SLC9A7: variants seen among roughly 807,000 people sequenced by gnomAD.
SLC9A7 encodes solute carrier family 9 member A7, also known as sodium/hydrogen exchanger 7.
Under a neutral mutation model 52.6 loss-of-function variants are expected in SLC9A7, and 19 were observed. That is an observed-to-expected ratio of 0.36 (90% CI 0.25 to 0.53). The LOEUF is 0.53. Ranked by LOEUF, SLC9A7 falls within the 20% of genes least tolerant of loss-of-function variation. SLC9A7 has a pLI of 0.91. For synonymous variants in SLC9A7, 226 were observed against 252.1 expected, an observed-to-expected ratio of 0.90 and a Z score of 0.98; for missense variants, 455 against 597.9, an observed-to-expected ratio of 0.76 and a Z score of 2.49.
chrX:46,713,917 C>G (rs903498772), intron 1 of SLC9A7, among the ~76,000 whole-genome samples: 1 of 108,385 alleles, frequency 9.2e-6, no homozygotes, highest in Non-Finnish European at 1.9e-5. Context: ...AATATAGTAT[C>G]TTCCTTTTCA....
At chrX:46,617,417 A>G (rs1201225553) in intron 15 of SLC9A7, among the ~76,000 whole-genome samples, 3 of 111,478 alleles carry the variant, frequency 2.7e-5, no homozygotes, top group Non-Finnish European at 5.7e-5. Flanking sequence ...ACAGACTCCT[A>G]CCATGGCCAA....
At chrX:46,645,210 T>C (rs1285469127) in intron 11 of SLC9A7, among the ~76,000 whole-genome samples, 2 of 112,319 alleles carry the variant, frequency 1.8e-5, no homozygotes, top group Non-Finnish European at 1.9e-5. Flanking sequence ...CCAATGAGCA[T>C]ATTTAAGTTG....
At chrX:46,729,624 T>C (rs1356263805) in intron 1 of SLC9A7, among the ~76,000 whole-genome samples, 1 of 110,153 alleles carries the variant, frequency 9.1e-6, no homozygotes, top group Non-Finnish European at 1.9e-5. Flanking sequence ...AAATACAAAA[T>C]TAGCTGGGCA....
At chrX:46,679,541 A>G in intron 3 of SLC9A7, 137 bp downstream of exon 3, 1 of 443,933 alleles carries the variant, frequency 2.3e-6, no homozygotes, top group Non-Finnish European at 3.8e-6. Flanking sequence ...CATTGATGAG[A>G]AGTCAACTAT....
At chrX:46,669,458 A>T in intron 5 of SLC9A7, 149 bp downstream of exon 5, 1 of 389,256 alleles carries the variant, frequency 2.6e-6, no homozygotes, top group Non-Finnish European at 4.5e-6. Context: ...TGTTAGACCC[A>T]CCTATTGGTC....
In SLC9A7 at chrX:46,752,290, AT is replaced by A. The variant is rs782112050; in HGVS notation, c.325+6414del. Among the ~76,000 whole-genome samples, 1,005 of 111,975 alleles carry A rather than the reference AT, an allele frequency of 9.0e-3. 7 individuals carry two copies. The highest frequency in any genetic ancestry group is 0.015 in the Non-Finnish European group (811 of 53,157). Reference sequence around the variant, plus strand: ...ACCTCAATTATCACACCTACAAAAAATAATAGTAATTCTTTAATATCATCTA... The same window carrying A: ...ACCTCAATTATCACACCTACAAAAAAAATAGTAATTCTTTAATATCATCTA... On this transcript the variant is annotated intron_variant, in intron 1 of 16. Coordinates refer to ENST00000616978, the MANE Select transcript of SLC9A7 (RefSeq NM_001257291.2).
intron 15 of SLC9A7, among the ~76,000 whole-genome samples, chrX:46,618,811 G>A (rs1425298452): frequency 9.1e-6 from 1 of 110,438 alleles, no homozygotes; most frequent in Non-Finnish European, 1.9e-5. Flanking sequence ...AGGTGTAGTG[G>A]TGTGTGCCTG....
intron 5 of SLC9A7, among the ~76,000 whole-genome samples, chrX:46,664,811 G>A (rs1386017063): frequency 9.1e-6 from 1 of 110,247 alleles, no homozygotes; most frequent in Admixed American, 9.8e-5. Flanking sequence ...GGGTACAGTG[G>A]TGTGATTATA....
chrX:46,614,528 C>T (rs1328227520), intron 15 of SLC9A7, among the ~76,000 whole-genome samples: 3 of 111,492 alleles, frequency 2.7e-5, no homozygotes, highest in Non-Finnish European at 5.7e-5. Context: ...CCAGTAGCAC[C>T]GTTACTCCCC....
intron 15 of SLC9A7, among the ~76,000 whole-genome samples, chrX:46,617,129 A>G (rs1200561296): frequency 4.5e-5 from 5 of 111,232 alleles, no homozygotes; most frequent in African/African-American, 1.3e-4. Flanking sequence ...TGCTATAATT[A>G]TTGGACTTTT....
rs774521403 is a variant in SLC9A7 at position 46,601,280 on chromosome X, T to C, written c.*5672A>G. 10 of 112,382 alleles carry C rather than the reference T, an allele frequency of 8.9e-5. No homozygotes were observed. The highest frequency in any genetic ancestry group is 4.6e-3 in the Middle Eastern group (1 of 219). The allele number at this position is 112,382 out of a possible 1,213,427, so 9.3% of individuals were successfully genotyped here. ...ATGCTCTAACACCCTGCCACTGTTT[T>C]TCCCCCTAAGTGCATCAGTGGTGTT... On this transcript the variant is annotated 3_prime_UTR_variant, in exon 17 of 17. Coordinates refer to ENST00000616978, the MANE Select transcript of SLC9A7 (RefSeq NM_001257291.2).
chrX:46,758,751 G>A lies in SLC9A7; in HGVS notation c.279C>T (p.His93=), dbSNP rs1556294407. The A allele has an allele frequency of 4.2e-6, 5 of 1,197,946 alleles. No individual in the cohort carries two copies. The highest frequency in any genetic ancestry group is 3.4e-6 in the Non-Finnish European group (3 of 889,021). ...LTILTIWLFK[H]RRVRFLHETG... ...TCTCGTGCAGAAAGCGCACCCGGCG[G>A]TGCTTGAAGAGCCAGATGGTGAGGA... Residue 93 remains histidine, a synonymous_variant, in exon 1 of 17, where the codon CAC becomes CAT. Transcript: ENST00000616978.
At chrX:46,744,331 T>C (rs1298092574) in intron 1 of SLC9A7, among the ~76,000 whole-genome samples, 1 of 112,796 alleles carries the variant, frequency 8.9e-6, no homozygotes, top group Non-Finnish European at 1.9e-5. Context: ...AGCAATATGC[T>C]GAGCTAATTA....
intron 1 of SLC9A7, among the ~76,000 whole-genome samples, chrX:46,721,766 C>T (rs1344128154): frequency 3.6e-5 from 4 of 111,935 alleles, no homozygotes; most frequent in African/African-American, 1.3e-4. Context: ...AAGCAAAGGC[C>T]TTGCCTTTCT....
chrX:46,716,430 T>C (rs1190799679), intron 1 of SLC9A7, among the ~76,000 whole-genome samples: 1 of 111,935 alleles, frequency 8.9e-6, no homozygotes, highest in East Asian at 2.8e-4. Context: ...CTATGAACCC[T>C]GAGACGACTT....
chrX:46,633,145 T>G (rs2146729470), intron 13 of SLC9A7, among the ~76,000 whole-genome samples: 1 of 107,174 alleles, frequency 9.3e-6, no homozygotes, highest in East Asian at 2.9e-4. Context: ...CCACTTGATA[T>G]CAACCAAGTA....
At chrX:46,717,298 G>A (rs745863585) in intron 1 of SLC9A7, among the ~76,000 whole-genome samples, 7 of 112,311 alleles carry the variant, frequency 6.2e-5, no homozygotes, top group Non-Finnish European at 1.1e-4. Context: ...GTGTAATAAA[G>A]TGTTTTGAAG....
intron 1 of SLC9A7, among the ~76,000 whole-genome samples, chrX:46,693,839 C>T (rs1351298723): frequency 9.0e-6 from 1 of 110,593 alleles, no homozygotes; most frequent in Non-Finnish European, 1.9e-5. Context: ...TCACTTGAGG[C>T]CAGGAGTTCA....
At chrX:46,616,210 CTTGGGAGGCTAAG>C (rs1328729996) in intron 15 of SLC9A7, among the ~76,000 whole-genome samples, 15 of 103,542 alleles carry the variant, frequency 1.4e-4, no homozygotes, top group African/African-American at 5.3e-4. Flanking sequence ...ATGCTAGCTA[CTTGGGAGGCTAAG>C]GTGGGAGGAT....
Sources: gnomAD v4.1 joint callset for allele counts (sites outside exome capture counted in the v4.1 genomes callset) on GRCh38, gnomAD v4.1.1 for gene constraint, MANE v1.5 for transcripts, NCBI Gene and HGNC (gene_info 2026-07-23, HGNC 2026-07-21) for gene names.